Variants in CTNNA2 observed in about 807,000 individuals in gnomAD.
CTNNA2 encodes catenin alpha 2.
Under a neutral mutation model 101.0 loss-of-function variants are expected in CTNNA2, and 42 were observed. The observed-to-expected ratio is 0.42, with a 90% CI of 0.32 to 0.54. The LOEUF (loss-of-function observed/expected upper bound fraction) is 0.54. CTNNA2 is among the 20% of genes least tolerant of loss of function. The probability of loss-of-function intolerance (pLI) is 0.14; values close to 1 mark genes in which losing one functional copy is unlikely to be tolerated. For synonymous variants in CTNNA2, 450 were observed against 456.4 expected, an observed-to-expected ratio of 0.99 and a Z score of 0.18; for missense variants, 871 against 1,223.1, an observed-to-expected ratio of 0.71 and a Z score of 4.29.
At chr2:79,233,852 A>G (rs937079989) in intron 2 of CTNNA2, among the ~76,000 whole-genome samples, 1 of 151,916 alleles carries the variant, frequency 6.6e-6, no homozygotes, top group African/African-American at 2.4e-5. Context: ...TCTATTTTAT[A>G]TGGTATAAGA....
At chr2:79,580,523 T>G (rs1334404854) in intron 1 of CTNNA2, among the ~76,000 whole-genome samples, 1 of 152,212 alleles carries the variant, frequency 6.6e-6, no homozygotes, top group Non-Finnish European at 1.5e-5. Context: ...AAGTGGTAAC[T>G]TTAGCCTGGT....
At chr2:79,825,340 G>T (rs1305318712) in intron 3 of CTNNA2, among the ~76,000 whole-genome samples, 1 of 152,194 alleles carries the variant, frequency 6.6e-6, no homozygotes, top group Non-Finnish European at 1.5e-5. Flanking sequence ...TTGAAAATTG[G>T]TTGGAGTAGA....
intron 15 of CTNNA2, among the ~76,000 whole-genome samples, chr2:80,595,313 AT>A (rs1696859375): frequency 6.6e-6 from 1 of 152,046 alleles, no homozygotes; most frequent in South Asian, 2.1e-4. Context: ...GTCTAGAAAC[AT>A]TTTGTATCCT....
chr2:79,684,203 A>G (rs1683777284), intron 2 of CTNNA2, among the ~76,000 whole-genome samples: 1 of 152,218 alleles, frequency 6.6e-6, no homozygotes, highest in Admixed American at 6.5e-5. Context: ...GGACCAGTCT[A>G]CACTTCAATA....
chr2:79,956,933 T>G (rs1461581212), intron 7 of CTNNA2, among the ~76,000 whole-genome samples: 4 of 146,012 alleles, frequency 2.7e-5, no homozygotes, highest in African/African-American at 1.0e-4. Flanking sequence ...GTGGATCTAG[T>G]GCAGAATGAT....
At chr2:80,131,079 A>G (rs1702390958) in intron 7 of CTNNA2, among the ~76,000 whole-genome samples, 1 of 151,852 alleles carries the variant, frequency 6.6e-6, no homozygotes, top group Non-Finnish European at 1.5e-5. Context: ...TTGTTTTGAG[A>G]CAGAGTCTGT....
chr2:80,169,550 G>T (rs1195900854), intron 7 of CTNNA2, among the ~76,000 whole-genome samples: 1 of 152,104 alleles, frequency 6.6e-6, no homozygotes, highest in African/African-American at 2.4e-5. Context: ...CTGAGCTCTG[G>T]AAATGTCAGC....
At chr2:80,507,151 C>T (rs1369811852) in intron 9 of CTNNA2, among the ~76,000 whole-genome samples, 1 of 152,132 alleles carries the variant, frequency 6.6e-6, no homozygotes, top group African/African-American at 2.4e-5. Flanking sequence ...CCCTAGTCTC[C>T]TCATCTGTAA....
chr2:79,305,841 C>T (rs1427236655), intron 2 of CTNNA2, among the ~76,000 whole-genome samples: 3 of 151,904 alleles, frequency 2.0e-5, no homozygotes, highest in South Asian at 2.1e-4. Context: ...GTCAGAAGAT[C>T]GAGACCATCC....
chr2:80,025,613 C>A (rs1694881192), intron 7 of CTNNA2, among the ~76,000 whole-genome samples: 1 of 152,126 alleles, frequency 6.6e-6, no homozygotes, highest in Admixed American at 6.5e-5. Context: ...TGTTGGGAGT[C>A]TATGGAGGTG....
Position 79,243,040 on chromosome 2 carries a change from A to G in CTNNA2, c.-406+44964A>G, listed in dbSNP as rs1203341419. On this transcript the variant is annotated intron_variant, in intron 2 of 21. Transcript: ENST00000466387. ...CACACACACACACACGTTAATATTC[A>G]TGATAAAACAGACGCAAAGAAATAT... Among the ~76,000 whole-genome samples the G allele has an allele frequency of 1.3e-5, 2 of 149,438 alleles. 1 individual carries two copies. The highest frequency in any genetic ancestry group is 3.9e-4 in the East Asian group (2 of 5,108).
intron 2 of CTNNA2, among the ~76,000 whole-genome samples, chr2:79,740,934 G>T (rs1291280459): frequency 6.6e-6 from 1 of 152,056 alleles, no homozygotes; most frequent in East Asian, 1.9e-4. Context: ...AGAATTTTAG[G>T]TGTAAATATA....
intron 4 of CTNNA2, among the ~76,000 whole-genome samples, chr2:79,409,512 A>G (rs1293840794): frequency 1.3e-5 from 2 of 151,852 alleles, no homozygotes; most frequent in Middle Eastern, 3.4e-3. Flanking sequence ...TCACCTTTCT[A>G]CATATGGCTA....
rs141909746 is a variant in CTNNA2 at position 80,098,931 on chromosome 2, A to T, written c.1056+189134A>T. Among the ~76,000 whole-genome samples the T allele has an allele frequency of 6.7e-3, 1,014 of 152,112 alleles. 13 individuals carry two copies. Among genetic ancestry groups the T allele is most frequent in the African/African-American group, 0.024 (976 of 41,506 alleles). ...CCCCTTTCTTTGACTAGGAAAGGGA[A>T]TTCCCTGACCCCTTGCACTTCCCAG... On this transcript the variant is annotated intron_variant, in intron 7 of 18. Coordinates refer to ENST00000402739, the MANE Select transcript of CTNNA2 (RefSeq NM_001282597.3).
At chr2:79,597,499 C>T (rs908638751) in intron 1 of CTNNA2, among the ~76,000 whole-genome samples, 1 of 151,600 alleles carries the variant, frequency 6.6e-6, no homozygotes, top group Non-Finnish European at 1.5e-5. Context: ...TAGCTGCCCC[C>T]TTAGAGAGTC....
intron 18 of CTNNA2, among the ~76,000 whole-genome samples, chr2:80,639,513 A>ATATGTGTGTGTGTGTGTG (rs1553418423): frequency 5.4e-4 from 79 of 147,518 alleles, no homozygotes; most frequent in Non-Finnish European, 9.9e-4. Context: ...CCCAGCCTTG[A>ATATGTGTGTGTGTGTGTG]TGTGTGTGTG....
rs376529809 is a variant in CTNNA2, at chr2:79,727,384, C to G, written c.103-17003C>G. On this transcript the variant is annotated intron_variant, in intron 2 of 18. Coordinates refer to ENST00000402739, the MANE Select transcript of CTNNA2 (RefSeq NM_001282597.3). ...CAGATCAGCAGGACTCCCTGTAAAC[C>G]CCAGAATGGCTTCAGCTTAGCCACC... Among the ~76,000 whole-genome samples, 57 of 152,068 alleles carry G rather than the reference C, an allele frequency of 3.7e-4. 1 individual carries two copies. In the East Asian group the frequency reaches 5.6e-3, roughly 15 times the overall value.
intron 7 of CTNNA2, among the ~76,000 whole-genome samples, chr2:80,099,641 G>A (rs1438305857): frequency 7.9e-5 from 12 of 151,932 alleles, no homozygotes; most frequent in Non-Finnish European, 1.6e-4. Flanking sequence ...TCACCAAAAT[G>A]CAGATTGCAG....
chr2:80,459,352 T>C (rs868328836), intron 9 of CTNNA2, among the ~76,000 whole-genome samples: 6 of 152,262 alleles, frequency 3.9e-5, no homozygotes, highest in Middle Eastern at 6.8e-3. Context: ...GAGGTGCTGA[T>C]GAGAGGACGT....
Sources: allele counts gnomAD v4.1 joint callset (sites outside exome capture counted in the v4.1 genomes callset), GRCh38; gene constraint gnomAD v4.1.1; transcripts MANE v1.5; gene names NCBI Gene and HGNC (gene_info 2026-07-23, HGNC 2026-07-21).